Variants in ZBTB20 observed in about 807,000 individuals in gnomAD.
ZBTB20 encodes zinc finger and BTB domain containing 20.
In ZBTB20, 9 loss-of-function variants were observed where a neutral mutation model predicts 56.9. That is an observed-to-expected ratio of 0.16 (90% CI 0.10 to 0.28). ZBTB20 has a LOEUF of 0.28. Among genes scored for constraint, ZBTB20 ranks in the 10% least tolerant of loss-of-function variants. The pLI is 1.00. For missense variants in ZBTB20, 655 were observed against 1,003.0 expected, an observed-to-expected ratio of 0.65 and a Z score of 4.69; for synonymous variants, 417 against 420.7, an observed-to-expected ratio of 0.99 and a Z score of 0.11.
At chr3:114,977,527 G>A (rs1427865685) in intron 2 of ZBTB20, among the ~76,000 whole-genome samples, 1 of 152,112 alleles carries the variant, frequency 6.6e-6, no homozygotes, top group Non-Finnish European at 1.5e-5. Context: ...GGGGAACTTA[G>A]GTATGGGGTA....
chr3:114,517,645 C>T (rs1192405137), intron 6 of ZBTB20, among the ~76,000 whole-genome samples: 1 of 151,500 alleles, frequency 6.6e-6, no homozygotes, highest in East Asian at 1.9e-4. Context: ...GACACGATCT[C>T]GGCTCACTGC....
rs72960347 is a variant in ZBTB20, at chr3:114,975,976, C to T, written c.-506-1560G>A. ...TCAGTGAATGAATGAACAGCCTAAC[C>T]AATAAAACAGGCACTAAATCTGTAT... On this transcript the variant is annotated intron_variant, in intron 2 of 11. Coordinates refer to ENST00000675478, the MANE Select transcript of ZBTB20 (RefSeq NM_001348800.3). Among the ~76,000 whole-genome samples the T allele has an allele frequency of 4.9e-3, 745 of 152,208 alleles. 7 individuals are homozygous for T. The highest frequency in any genetic ancestry group is 0.017 in the African/African-American group (720 of 41,522).
At chr3:114,421,399 C>A (rs1351354942) in intron 7 of ZBTB20, among the ~76,000 whole-genome samples, 1 of 152,174 alleles carries the variant, frequency 6.6e-6, no homozygotes, top group Non-Finnish European at 1.5e-5. Flanking sequence ...TACCTAAACT[C>A]TAATGGACAA....
intron 4 of ZBTB20, among the ~76,000 whole-genome samples, chr3:114,809,377 T>C (rs189238633): frequency 6.2e-4 from 95 of 152,198 alleles, no homozygotes; most frequent in African/African-American, 2.1e-3. Context: ...TTCTTTTCTC[T>C]TCAAATTAGA....
At chr3:114,359,528 C>G (rs1344838735) in intron 10 of ZBTB20, 1 of 152,152 alleles carries the variant, frequency 6.6e-6, no homozygotes, top group East Asian at 1.9e-4. Flanking sequence ...TTTAAATCCT[C>G]TTATATTGTA....
At chr3:114,997,943 A>T (rs2079093010) in intron 2 of ZBTB20, among the ~76,000 whole-genome samples, 1 of 151,798 alleles carries the variant, frequency 6.6e-6, no homozygotes, top group South Asian at 2.1e-4. Context: ...TAATTTGTTC[A>T]ACATTAGCCA....
intron 6 of ZBTB20, among the ~76,000 whole-genome samples, chr3:114,673,252 G>T (rs922765279): frequency 1.3e-5 from 2 of 152,030 alleles, no homozygotes; most frequent in Admixed American, 6.6e-5. Context: ...AGGTTCACTG[G>T]GGGTTGGGGT....
At chr3:115,115,287 A>C (rs559972835) in intron 1 of ZBTB20, among the ~76,000 whole-genome samples, 28 of 152,186 alleles carry the variant, frequency 1.8e-4, no homozygotes, top group South Asian at 1.0e-3. Flanking sequence ...TATTCCATTC[A>C]AATCGACCAC....
chr3:114,369,748 G>C (rs1253021225), intron 10 of ZBTB20, among the ~76,000 whole-genome samples: 11 of 152,172 alleles, frequency 7.2e-5, no homozygotes, highest in Non-Finnish European at 1.6e-4. Flanking sequence ...ACATAGGTTT[G>C]TTATTAGTAA....
At chr3:114,348,097 T>A (rs530967606) in intron 11 of ZBTB20, among the ~76,000 whole-genome samples, 1 of 152,388 alleles carries the variant, frequency 6.6e-6, no homozygotes, top group South Asian at 2.1e-4. Context: ...GGTAGTACAT[T>A]GAAAATTTTA....
intron 4 of ZBTB20, among the ~76,000 whole-genome samples, chr3:114,864,563 C>G (rs147394699): frequency 1.8e-4 from 28 of 151,840 alleles, no homozygotes; most frequent in African/African-American, 6.5e-4. Flanking sequence ...TATCTTATAG[C>G]AAAGAGGACA....
chr3:114,934,745 G>A (rs771206361), intron 3 of ZBTB20, among the ~76,000 whole-genome samples: 4 of 152,000 alleles, frequency 2.6e-5, no homozygotes, highest in Non-Finnish European at 5.9e-5. Flanking sequence ...CATTTGCTTA[G>A]AAGCTCAGGA....
intron 7 of ZBTB20, among the ~76,000 whole-genome samples, chr3:114,398,097 TAGGACTTTTTTCTCCTTC>T (rs1404883546): frequency 6.6e-6 from 1 of 152,162 alleles, no homozygotes; most frequent in African/African-American, 2.4e-5. Context: ...AAAAATTATA[TAGGACTTTTTTCTCCTTC>T]AGGGTCCATA....
chr3:114,979,862 G>C (rs762091823), intron 2 of ZBTB20, among the ~76,000 whole-genome samples: 3 of 151,948 alleles, frequency 2.0e-5, no homozygotes, highest in Non-Finnish European at 2.9e-5. Flanking sequence ...GGGAAATCTG[G>C]TAAGTTCTAT....
intron 5 of ZBTB20, among the ~76,000 whole-genome samples, chr3:114,786,363 G>C (rs2070493332): frequency 6.6e-6 from 1 of 151,804 alleles, no homozygotes; most frequent in South Asian, 2.1e-4. Flanking sequence ...TCATTGTTCA[G>C]CTTCCACTTA....
intron 6 of ZBTB20, among the ~76,000 whole-genome samples, chr3:114,520,417 G>C (rs2046512200): frequency 6.6e-6 from 1 of 152,122 alleles, no homozygotes; most frequent in African/African-American, 2.4e-5. Flanking sequence ...ATGAGATTTT[G>C]AGGTATACAA....
intron 7 of ZBTB20, among the ~76,000 whole-genome samples, chr3:114,448,928 T>C (rs945854233): frequency 2.6e-5 from 4 of 152,134 alleles, no homozygotes; most frequent in African/African-American, 9.7e-5. Context: ...TGGATTCATG[T>C]TTCCCTGTGG....
In ZBTB20 at chr3:114,324,239, G is replaced by GT. The variant is rs1472730028; in HGVS notation, c.*14765dup. On this transcript the variant is annotated 3_prime_UTR_variant, in exon 12 of 12. Coordinates refer to ENST00000675478, the MANE Select transcript of ZBTB20 (RefSeq NM_001348800.3). ...CTATTTAATGTAAAGGTCAGTAGTG[G>GT]TTTTTACTTAATAGTTTTCATCATG... The GT allele has an allele frequency of 2.0e-5, 3 of 152,188 alleles. No individual in the cohort carries two copies. Among genetic ancestry groups the GT allele is most frequent in the African/African-American group, 7.2e-5 (3 of 41,448 alleles). The allele number at this position is 152,188 out of a possible 1,614,324, so 9.4% of individuals were successfully genotyped here.
At chr3:114,684,298 C>CA (rs1490359433) in intron 6 of ZBTB20, among the ~76,000 whole-genome samples, 19 of 152,092 alleles carry the variant, frequency 1.2e-4, no homozygotes, top group African/African-American at 4.3e-4. Flanking sequence ...AAAATGCTGA[C>CA]GCATTTTTGC....
Sources: gnomAD v4.1 joint callset for allele counts (sites outside exome capture counted in the v4.1 genomes callset) on GRCh38, gnomAD v4.1.1 for gene constraint, MANE v1.5 for transcripts, NCBI Gene and HGNC (gene_info 2026-07-23, HGNC 2026-07-21) for gene names.